Variants in PLXDC2 observed in about 807,000 individuals in gnomAD.
PLXDC2 encodes the protein plexin domain-containing protein 2.
PLXDC2 carries 40 observed loss-of-function variants against 68.9 expected under a neutral mutation model. The observed-to-expected ratio is 0.58, with a 90% confidence interval of 0.45 to 0.76. The LOEUF (loss-of-function observed/expected upper bound fraction) is 0.76. PLXDC2 is among the 30% of genes least tolerant of loss of function. PLXDC2 has a pLI of 0.00. For synonymous variants in PLXDC2, 243 were observed against 234.2 expected, an observed-to-expected ratio of 1.04 and a Z score of -0.34; for missense variants, 644 against 661.9, an observed-to-expected ratio of 0.97 and a Z score of 0.30.
chr10:20,016,829 GCTT>G (rs1835220791), intron 2 of PLXDC2, among the ~76,000 whole-genome samples: 3 of 152,300 alleles, frequency 2.0e-5, no homozygotes, highest in Non-Finnish European at 2.9e-5. Flanking sequence ...ATGAAGCAGT[GCTT>G]ATATTAGCAG....
At chr10:19,895,098 T>TA (rs1489072705) in intron 1 of PLXDC2, among the ~76,000 whole-genome samples, 1 of 152,174 alleles carries the variant, frequency 6.6e-6, no homozygotes, top group Non-Finnish European at 1.5e-5. Context: ...TATGCAGCCA[T>TA]AAAAAAGGAT....
chr10:20,138,045 G>A (rs1297237947), intron 4 of PLXDC2, among the ~76,000 whole-genome samples: 1 of 152,062 alleles, frequency 6.6e-6, no homozygotes, highest in African/African-American at 2.4e-5. Context: ...TATCTTATCT[G>A]TTTTTGTTAA....
At chr10:19,930,345 T>G (rs983121376) in intron 1 of PLXDC2, among the ~76,000 whole-genome samples, 4 of 152,106 alleles carry the variant, frequency 2.6e-5, no homozygotes, top group African/African-American at 9.7e-5. Context: ...CGGGTTGGTT[T>G]TTTCCACTTG....
intron 9 of PLXDC2, among the ~76,000 whole-genome samples, chr10:20,198,970 C>T (rs1384955362): frequency 6.6e-6 from 1 of 152,052 alleles, no homozygotes; most frequent in Non-Finnish European, 1.5e-5. Flanking sequence ...TTCAGTCTTT[C>T]ACCATAATGT....
In PLXDC2 at chr10:20,079,625, A is replaced by G. The variant is rs373630066; in HGVS notation, c.541+11386A>G. ...GCCATAAAAAAGAGTGAGTTCATGT[A>G]CTTTGCAGGGACATGCATGAAGCTG... On this transcript the variant is annotated intron_variant, in intron 4 of 13. Transcript: ENST00000377252. Among the ~76,000 whole-genome samples the G allele has an allele frequency of 1.1e-4, 17 of 152,302 alleles. No homozygotes were observed. In the East Asian group the frequency reaches 3.3e-3, roughly 29 times the overall value.
At chr10:20,025,021 A>G (rs553250621) in intron 2 of PLXDC2, among the ~76,000 whole-genome samples, 20 of 152,276 alleles carry the variant, frequency 1.3e-4, no homozygotes, top group Admixed American at 5.9e-4. Flanking sequence ...TAGTGCTGCA[A>G]TGAACATACA....
At chr10:19,955,541 C>T (rs2131598481) in intron 1 of PLXDC2, among the ~76,000 whole-genome samples, 1 of 152,250 alleles carries the variant, frequency 6.6e-6, no homozygotes, top group South Asian at 2.1e-4. Flanking sequence ...GGTTAAGTGG[C>T]TTTATTAGCC....
chr10:19,827,708 G>T (rs904818531), intron 1 of PLXDC2, among the ~76,000 whole-genome samples: 1 of 151,780 alleles, frequency 6.6e-6, no homozygotes, highest in African/African-American at 2.4e-5. Context: ...CTACAGGCGC[G>T]CCACCACACC....
At chr10:20,174,283 G>A (rs577943554) in intron 7 of PLXDC2, among the ~76,000 whole-genome samples, 4 of 150,146 alleles carry the variant, frequency 2.7e-5, no homozygotes, top group Admixed American at 2.0e-4. Flanking sequence ...CAGAAGATGA[G>A]CCATCTTTTT....
At chr10:20,146,371 TCCTC>T (rs1394637906) in intron 5 of PLXDC2, among the ~76,000 whole-genome samples, 1 of 151,980 alleles carries the variant, frequency 6.6e-6, no homozygotes, top group East Asian at 1.9e-4. Flanking sequence ...TCTCCTTCCT[TCCTC>T]CCTCCCTCCT....
At chr10:20,159,018 T>A (rs7090553) in intron 6 of PLXDC2, among the ~76,000 whole-genome samples, 89,280 of 152,004 alleles carry the variant, frequency 0.59, 26,811 homozygotes, top group African/African-American at 0.69. Context: ...CATTTTAATA[T>A]TTAATCAGGA....
intron 4 of PLXDC2, among the ~76,000 whole-genome samples, chr10:20,128,020 A>G (rs1002369438): frequency 6.6e-6 from 1 of 152,196 alleles, no homozygotes; most frequent in Non-Finnish European, 1.5e-5. Flanking sequence ...GCTCTGGTCA[A>G]CCTAGACAGA....
chr10:20,050,953 T>C (rs1298696991), intron 3 of PLXDC2, among the ~76,000 whole-genome samples: 2 of 152,102 alleles, frequency 1.3e-5, no homozygotes, highest in Admixed American at 1.3e-4. Context: ...ATTGCAGCAC[T>C]ATTCACAAAA....
At chr10:20,182,845 T>G (rs112533003) in intron 9 of PLXDC2, among the ~76,000 whole-genome samples, 4,038 of 152,012 alleles carry the variant, frequency 0.027, 75 homozygotes, top group South Asian at 0.076. Flanking sequence ...GTCCCTCCCC[T>G]TGTCCCCTAC....
At chr10:19,940,344 A>G (rs1833798085) in intron 1 of PLXDC2, among the ~76,000 whole-genome samples, 1 of 152,158 alleles carries the variant, frequency 6.6e-6, no homozygotes, top group Non-Finnish European at 1.5e-5. Context: ...AACATTCAGA[A>G]TGATATATAG....
intron 4 of PLXDC2, among the ~76,000 whole-genome samples, chr10:20,125,341 G>A (rs1423542798): frequency 6.6e-6 from 1 of 152,140 alleles, no homozygotes; most frequent in Non-Finnish European, 1.5e-5. Flanking sequence ...CTATGAGCCT[G>A]GTCCTAGCCG....
At chr10:20,258,020 G>A (rs1252880975) in intron 13 of PLXDC2, among the ~76,000 whole-genome samples, 1 of 24,328 alleles carries the variant, frequency 4.1e-5, no homozygotes. Context: ...TTTTTTTTTT[G>A]AGACAGAGTT....
rs1836250029 is a variant in PLXDC2 at position 20,068,247 on chromosome 10, G to A, written c.541+8G>A. ...TCACTGTGGCAACCGGGGGTAAGTG[G>A]TTTTCTACCCATTCACCTTAAGTAA... is the stretch of plus-strand genomic sequence containing the variant. On this transcript the variant is annotated splice_region_variant and intron_variant, in intron 4 of 13. Coordinates refer to ENST00000377252, the MANE Select transcript of PLXDC2 (RefSeq NM_032812.9). 1.9e-6 allele frequency: 3 copies of A among 1,602,794 alleles called. No homozygotes were observed. The highest frequency in any genetic ancestry group is 1.7e-6 in the Non-Finnish European group (2 of 1,170,644).
chr10:20,166,213 A>G (rs1234485737), intron 7 of PLXDC2, among the ~76,000 whole-genome samples: 2 of 152,144 alleles, frequency 1.3e-5, no homozygotes, highest in African/African-American at 2.4e-5. Context: ...CAGAAATATT[A>G]TAAGGGTTAT....
Sources: gnomAD v4.1 joint callset for allele counts (sites outside exome capture counted in the v4.1 genomes callset) on GRCh38, gnomAD v4.1.1 for gene constraint, MANE v1.5 for transcripts, NCBI Gene and HGNC (gene_info 2026-07-23, HGNC 2026-07-21) for gene names.